Variants in SLC2A9 observed in about 807,000 individuals in gnomAD.
SLC2A9 encodes the protein solute carrier family 2, facilitated glucose transporter member 9.
SLC2A9 carries 39 observed loss-of-function variants against 50.6 expected under a neutral mutation model. That is an observed-to-expected ratio of 0.77 (90% CI 0.60 to 1.01). SLC2A9 has a LOEUF of 1.01. Ranked by LOEUF, SLC2A9 falls within the 50% of genes least tolerant of loss-of-function variation. The pLI is 0.00. For synonymous variants in SLC2A9, 324 were observed against 276.9 expected (o/e 1.17, Z -1.69); for missense variants, 686 against 677.6 (o/e 1.01, Z -0.14).
chr4:9,823,183 T>C (rs1049470109), downstream of SLC2A9, among the ~76,000 whole-genome samples: 1 of 152,104 alleles, frequency 6.6e-6, no homozygotes, highest in Non-Finnish European at 1.5e-5. Context: ...TAAACCTCCA[T>C]GGCTTGGAGG....
At chr4:10,038,752 G>A (rs1380445716) in intron 1 of SLC2A9, among the ~76,000 whole-genome samples, 2 of 152,130 alleles carry the variant, frequency 1.3e-5, no homozygotes. Context: ...TCACATCCCG[G>A]GAGAGCCTCG....
At chr4:9,773,101 G>A (rs921581170) in intron 1 of SLC2A9, among the ~76,000 whole-genome samples, 1 of 152,184 alleles carries the variant, frequency 6.6e-6, no homozygotes, top group Admixed American at 6.5e-5. Flanking sequence ...TCCTGAGTTA[G>A]CCATTTTAAC....
chr4:9,797,934 C>T (rs1413441295), downstream of SLC2A9, among the ~76,000 whole-genome samples: 1 of 152,240 alleles, frequency 6.6e-6, no homozygotes, highest in Non-Finnish European at 1.5e-5. Flanking sequence ...TCCACCTCCA[C>T]AGTCCCCAGA....
Position 9,890,705 on chromosome 4 carries a change from C to T in SLC2A9, c.1120G>A (p.Val374Ile). 1.2e-6 allele frequency: 2 copies of T among 1,613,850 alleles called. No homozygotes were observed. The highest frequency in any genetic ancestry group is 4.5e-5 in the East Asian group (2 of 44,872). Reference sequence around the variant, plus strand: ...GGTCTCCGTCCCAGGTGCTCAATGACCAAACCCTAGTCCAGGGTAAAAGAG... The same window carrying T: ...GGTCTCCGTCCCAGGTGCTCAATGATCAAACCCTAGTCCAGGGTAAAAGAG... ...ETLAAVFSGL[V>I]IEHLGRRPLL... Residue 374 changes from valine (V) to isoleucine (I), a missense_variant, in exon 9 of 12, where the codon GTC becomes ATC. By Grantham distance (29) the Val-to-Ile change is conservative. Transcript: ENST00000264784.
chr4:9,784,739 T>C (rs1194096284), intron 3 of SLC2A9, among the ~76,000 whole-genome samples: 1 of 152,234 alleles, frequency 6.6e-6, no homozygotes, highest in African/African-American at 2.4e-5. Context: ...GAGCATATTA[T>C]TACCATCAGA....
intron 10 of SLC2A9, among the ~76,000 whole-genome samples, chr4:9,848,495 T>C (rs756545314): frequency 2.0e-5 from 3 of 152,148 alleles, no homozygotes; most frequent in Non-Finnish European, 2.9e-5. Flanking sequence ...TTTATTTCCA[T>C]GGATTGCATC....
At chr4:9,909,310 T>C (rs1741266354) in intron 7 of SLC2A9, among the ~76,000 whole-genome samples, 1 of 152,238 alleles carries the variant, frequency 6.6e-6, no homozygotes, top group African/African-American at 2.4e-5. Flanking sequence ...TATGCTAGGA[T>C]GACACACTTA....
chr4:9,814,928 A>G (rs1321575060), intron 3 of SLC2A9, among the ~76,000 whole-genome samples: 2 of 151,960 alleles, frequency 1.3e-5, no homozygotes, highest in Non-Finnish European at 2.9e-5. Flanking sequence ...GGTGAAAAGG[A>G]TTAACAAATG....
At chr4:9,933,750 T>A (rs1278393943) in intron 6 of SLC2A9, among the ~76,000 whole-genome samples, 1 of 152,148 alleles carries the variant, frequency 6.6e-6, no homozygotes, top group African/African-American at 2.4e-5. Context: ...GGATTAAAAT[T>A]GAGTGTTGCA....
At chr4:9,970,659 T>G (rs557334860) in intron 5 of SLC2A9, among the ~76,000 whole-genome samples, 1 of 147,568 alleles carries the variant, frequency 6.8e-6, no homozygotes, top group South Asian at 2.2e-4. Context: ...CTAGAAGAGT[T>G]AAGACTCAAA....
chr4:9,868,038 C>A (rs569383518), intron 10 of SLC2A9, among the ~76,000 whole-genome samples: 3 of 152,190 alleles, frequency 2.0e-5, no homozygotes, highest in African/African-American at 7.2e-5. Flanking sequence ...CTCCACCAGG[C>A]GTGTCTTTAG....
At chr4:10,032,077 T>G (rs1034095497) in intron 1 of SLC2A9, among the ~76,000 whole-genome samples, 13 of 152,348 alleles carry the variant, frequency 8.5e-5, no homozygotes, top group Middle Eastern at 3.4e-3. Context: ...CTAGGCATTA[T>G]GGACCCAGAG....
chr4:9,783,500 C>T, intron 3 of SLC2A9: 3 of 1,550,808 alleles, frequency 1.9e-6, no homozygotes, highest in East Asian at 2.3e-5. Context: ...TCTGCATAAC[C>T]GCACAGACAT....
chr4:9,888,272 CATAT>C (rs35108442), intron 9 of SLC2A9, among the ~76,000 whole-genome samples: 183 of 146,744 alleles, frequency 1.2e-3, no homozygotes, highest in Middle Eastern at 3.5e-3. Context: ...TATATATATA[CATAT>C]ATATATATAT....
intron 3 of SLC2A9, among the ~76,000 whole-genome samples, chr4:9,809,444 C>G (rs929020094): frequency 6.6e-6 from 1 of 152,154 alleles, no homozygotes; most frequent in African/African-American, 2.4e-5. Context: ...ACTCTGTGGA[C>G]CACAGGGCGC....
Position 9,868,410 on chromosome 4 carries a change from C to T in SLC2A9, c.1291+19157G>A, listed in dbSNP as rs79629326. ...AGCCAGGTGACCTGATAATAATCAA[C>T]TCCTGCCTGGCTGGAAAGCCCTTGA... On this transcript the variant is annotated intron_variant, in intron 10 of 11. Transcript: ENST00000264784. 6.8e-4 allele frequency among the ~76,000 whole-genome samples: 104 copies of T among 152,354 alleles called. 1 individual carries two copies. In the East Asian group the frequency reaches 0.017, roughly 25 times the overall value.
chr4:9,817,843 A>G (rs1407583053), intron 3 of SLC2A9, among the ~76,000 whole-genome samples: 1 of 152,186 alleles, frequency 6.6e-6, no homozygotes, highest in African/African-American at 2.4e-5. Flanking sequence ...CCTGTTCTGC[A>G]AGAGCAGCAG....
At chr4:9,864,144 G>C (rs1013280708) in intron 10 of SLC2A9, among the ~76,000 whole-genome samples, 2 of 151,902 alleles carry the variant, frequency 1.3e-5, no homozygotes, top group Admixed American at 1.3e-4. Flanking sequence ...CCCTTTCTTT[G>C]GTTTCTTGGC....
At chr4:9,799,692 A>ACTCCCCC (rs1553813206) in intron 3 of SLC2A9, among the ~76,000 whole-genome samples, 1 of 69,810 alleles carries the variant, frequency 1.4e-5, no homozygotes, top group African/African-American at 5.7e-5. Flanking sequence ...TTCCAATTGT[A>ACTCCCCC]CCCCCCCCCC....
Sources: allele counts gnomAD v4.1 joint callset (sites outside exome capture counted in the v4.1 genomes callset), GRCh38; gene constraint gnomAD v4.1.1; transcripts MANE v1.5; gene names NCBI Gene and HGNC (gene_info 2026-07-23, HGNC 2026-07-21).